MBD6: variants seen among roughly 807,000 people sequenced by gnomAD.
The protein encoded by MBD6 is methyl-CpG binding domain protein 6, also known as methyl-CpG-binding domain protein 6.
Under a neutral mutation model 66.8 loss-of-function variants are expected in MBD6, and 22 were observed. The observed-to-expected ratio is 0.33, with a 90% CI of 0.24 to 0.47. The LOEUF is 0.47. Ranked by LOEUF, MBD6 falls within the 20% of genes least tolerant of loss-of-function variation. MBD6 has a pLI of 1.00. For missense variants in MBD6, 1,322 were observed against 1,286.9 expected (o/e 1.03, Z -0.42); for synonymous variants, 540 against 534.6 (o/e 1.01, Z -0.14).
chr12:57,530,536 G>A (rs1879569701), downstream of MBD6: 3 of 628,244 alleles, frequency 4.8e-6, no homozygotes, highest in South Asian at 6.6e-5. Flanking sequence ...CATCAGGGGA[G>A]GGGTATAAAC....
intron 11 of MBD6, 90 bp from the exon 12 acceptor site, chr12:57,528,856 T>C: frequency 1.2e-6 from 2 of 1,605,666 alleles, no homozygotes; most frequent in Non-Finnish European, 1.7e-6. Flanking sequence ...ATGCCTTTAC[T>C]ATCCAAATGT....
chr12:57,526,411 T>C, intron 6 of MBD6, 23 bp downstream of exon 6: 3 of 1,543,090 alleles, frequency 1.9e-6, no homozygotes, highest in Non-Finnish European at 2.6e-6. Context: ...TGTGGAGCCC[T>C]TCCTCATCCT....
chr12:57,526,467 C>G (rs1878963494), intron 6 of MBD6, 79 bp downstream of exon 6: 3 of 1,519,096 alleles, frequency 2.0e-6, no homozygotes, highest in East Asian at 2.3e-5. Context: ...GTTCAGAGAG[C>G]TCTTTGAGGG....
Position 57,526,735 on chromosome 12 carries a change from T to G in MBD6, c.1590T>G (p.Ser530Arg), listed in dbSNP as rs1422998378. ...GCCCTGAGCAGGGCCTGGCACTGAG[T>G]GGAGCTGGCTTCCCTGGGATGCTTG... ...FPSPEQGLALSGAGFPGMLGA... is the reference protein window; with the variant it reads ...FPSPEQGLALRGAGFPGMLGA... The change falls in exon 7 of 13, where the codon AGT (serine) becomes AGG (arginine). Residue 530 changes from serine to arginine, a missense_variant. Physicochemically the swap from Ser to Arg is moderately radical, Grantham distance 110. Coordinates refer to ENST00000355673, the MANE Select transcript of MBD6 (RefSeq NM_052897.4). 6.4e-7 allele frequency: 1 copy of G among 1,571,868 alleles called. No individual in the cohort carries two copies. Among genetic ancestry groups the G allele is most frequent in the African/African-American group, 1.4e-5 (1 of 73,854 alleles).
At chr12:57,523,783 G>T (rs1291191271) in intron 1 of MBD6, among the ~76,000 whole-genome samples, 1 of 152,196 alleles carries the variant, frequency 6.6e-6, no homozygotes, top group Admixed American at 6.5e-5. Context: ...GGGAGGCCTT[G>T]CCCTTCATAT....
In MBD6 at chr12:57,525,219, G is replaced by A; in HGVS notation, c.379+104G>A. On this transcript the variant is annotated intron_variant, in intron 5 of 12. Transcript: ENST00000355673. ...GAGGGAGCAAAGAGAAAGGGGAGTG[G>A]GTGGGGAGCTGCATGTTGAAAGGAG... is the stretch of plus-strand genomic sequence containing the variant. 2.7e-6 allele frequency: 4 copies of A among 1,500,506 alleles called. 1 individual carries two copies. In the South Asian group the frequency reaches 3.8e-5, roughly 14 times the overall value. 92.9% of individuals were successfully genotyped at this position (1,500,506 alleles called of 1,614,324 possible).
chr12:57,530,513 A>G (rs1879566912), downstream of MBD6: 5 of 530,392 alleles, frequency 9.4e-6, no homozygotes, highest in East Asian at 1.5e-4. Context: ...ACCCCTAGCT[A>G]CCACTCTGTA....
rs756671952 is a variant in MBD6 at position 57,529,200 on chromosome 12, C to T, written c.2978C>T (p.Pro993Leu). 10 of 1,614,144 alleles carry T rather than the reference C, an allele frequency of 6.2e-6. No homozygotes were observed. In the South Asian group the frequency reaches 1.1e-4, roughly 18 times the overall value. ...PLPPRARPGR[P>L]AKNKRRKLAP ...CCTCCCCGGGCCCGCCCTGGCCGTC[C>T]TGCCAAAAACAAGAGGAGGAAACTG... Residue 993 changes from proline (P) to leucine (L), a missense_variant, in exon 13 of 13, where the codon CCT becomes CTT. Pro to Leu is a moderately conservative substitution (Grantham distance 98, BLOSUM62 -3). Coordinates refer to ENST00000355673, the MANE Select transcript of MBD6 (RefSeq NM_052897.4).
At position 57,529,445 on chromosome 12, in the gene MBD6, C is replaced by G. The variant is rs1594871989; in HGVS notation, c.*211C>G. The G allele has an allele frequency of 7.1e-6, 4 of 566,168 alleles. No homozygotes were observed. Among genetic ancestry groups the G allele is most frequent in the South Asian group, 4.3e-5 (2 of 46,458 alleles). The allele number at this position is 566,168 out of a possible 1,614,324, so 35.1% of individuals were successfully genotyped here. On this transcript the variant is annotated 3_prime_UTR_variant, in exon 13 of 13. Coordinates refer to ENST00000355673, the MANE Select transcript of MBD6 (RefSeq NM_052897.4). ...CCCCCCCCACCACCCCCCCGCCCCC[C>G]CGAAGCCATGTCACTGAAAAGGCCT...
chr12:57,528,989 G>C lies in MBD6; in HGVS notation c.2917G>C (p.Glu973Gln), dbSNP rs1437150590. The C allele has an allele frequency of 1.2e-6, 2 of 1,614,114 alleles. No homozygotes were observed. Among genetic ancestry groups the C allele is most frequent in the South Asian group, 2.2e-5 (2 of 91,068 alleles). The change falls in exon 12 of 13, where the codon GAA (glutamate) becomes CAA (glutamine). Residue 973 changes from glutamate to glutamine, a missense_variant. Transcript: ENST00000355673. ...TAGCTCCCGCCAGGACATTACCTTG[G>C]AACCCAGCCCTACAGCCCGAGTAAG... is the stretch of plus-strand genomic sequence containing the variant. ...SNSSRQDITL[E>Q]PSPTARAAVP...
chr12:57,522,697 G>C (rs1397154391), upstream of MBD6: 6 of 149,316 alleles, frequency 4.0e-5, no homozygotes, highest in Non-Finnish European at 6.0e-5. Flanking sequence ...GCCCGGCCCC[G>C]CCCCTCTCCC....
At position 57,528,532 on chromosome 12, in the gene MBD6, C is replaced by G. The variant is rs757098218; in HGVS notation, c.2792C>G (p.Pro931Arg). 7 of 1,611,830 alleles carry G rather than the reference C, an allele frequency of 4.3e-6. No homozygotes were observed. Among genetic ancestry groups the G allele is most frequent in the East Asian group, 2.2e-5 (1 of 44,854 alleles). Residue 931 changes from proline (P) to arginine (R), a missense_variant, in exon 10 of 13, where the codon CCT becomes CGT. By Grantham distance (103) the Pro-to-Arg change is moderately radical. Coordinates refer to ENST00000355673, the MANE Select transcript of MBD6 (RefSeq NM_052897.4). ...EGGAEPKDPP[P>R]PGPHSEDLKV... ...GGTGCTGAGCCCAAGGATCCACCCC[C>G]TCCCGGGCCCCATTCTGAGGACCTT... is the stretch of plus-strand genomic sequence containing the variant.
intron 7 of MBD6, 74 bp from the exon 8 acceptor site, chr12:57,527,433 A>G: frequency 6.5e-7 from 1 of 1,532,548 alleles, no homozygotes. Flanking sequence ...TCAGTCAGAT[A>G]GTGGATGTGA....
Position 57,530,053 on chromosome 12 carries a change from G to A in MBD6, c.*819G>A, listed in dbSNP as rs1879489461. ...TTTTGTAAAGACAAGACCCTTGGGAGTTTTAATTCTGTTTTGTACTTGCCC... is the reference window on the plus strand; with the variant it reads ...TTTTGTAAAGACAAGACCCTTGGGAATTTTAATTCTGTTTTGTACTTGCCC... On this transcript the variant is annotated 3_prime_UTR_variant, in exon 13 of 13. Transcript: ENST00000355673. 6.6e-6 allele frequency: 1 copy of A among 152,618 alleles called. No individual in the cohort carries two copies. The highest frequency in any genetic ancestry group is 1.5e-5 in the Non-Finnish European group (1 of 68,060). The allele number at this position is 152,618 out of a possible 1,614,324, so 9.5% of individuals were successfully genotyped here.
intron 9 of MBD6, 63 bp downstream of exon 9, chr12:57,528,080 T>C: frequency 6.5e-7 from 1 of 1,532,334 alleles, no homozygotes; most frequent in South Asian, 1.3e-5. Flanking sequence ...AATTTAGGGC[T>C]TTCTGAGTTA....
At chr12:57,528,763 T>C (rs766129686) in intron 11 of MBD6, 45 bp downstream of exon 11, 1 of 1,613,028 alleles carries the variant, frequency 6.2e-7, no homozygotes, top group Non-Finnish European at 8.5e-7. Flanking sequence ...CCTACTTCTT[T>C]TTGGTTTGGA....
chr12:57,528,279 G>C lies in MBD6; in HGVS notation c.2539G>C (p.Glu847Gln), dbSNP rs1879202466. 5 of 1,605,416 alleles carry C rather than the reference G, an allele frequency of 3.1e-6. No homozygotes were observed. Among genetic ancestry groups the C allele is most frequent in the Non-Finnish European group, 3.4e-6 (4 of 1,175,730 alleles). The change falls in exon 10 of 13, where the codon GAG becomes CAG. Residue 847 changes from glutamate (E) to glutamine (Q), a missense_variant. Physicochemically the swap from Glu to Gln is conservative, Grantham distance 29 (BLOSUM62 2). Transcript: ENST00000355673. ...TGGTTCTCCCGACCCCCCAGTCCCTGAGCTGCTCACTGGGAGGGGGTCAGG... is the reference window on the plus strand; with the variant it reads ...TGGTTCTCCCGACCCCCCAGTCCCTCAGCTGCTCACTGGGAGGGGGTCAGG... Reference protein sequence around the residue: ...PHGSPDPPVPELLTGRGSGKR... With the variant: ...PHGSPDPPVPQLLTGRGSGKR...
At position 57,529,344 on chromosome 12, in the gene MBD6, C is replaced by T. The variant is rs1390108263; in HGVS notation, c.*110C>T. 1 of 1,044,192 alleles carries T rather than the reference C, an allele frequency of 9.6e-7. No homozygotes were observed. Among genetic ancestry groups the T allele is most frequent in the East Asian group, 2.5e-5 (1 of 40,364 alleles). The allele number at this position is 1,044,192 out of a possible 1,614,324, so 64.7% of individuals were successfully genotyped here. A position where few individuals can be genotyped will look rare whatever the true frequency, so the allele number is the denominator to read the frequency against. ...GTGGACAGTGGGTGGGGGCACTACT[C>T]CCCACTCAGAGCACAAATGCAACTC... On this transcript the variant is annotated 3_prime_UTR_variant, in exon 13 of 13. Coordinates refer to ENST00000355673, the MANE Select transcript of MBD6 (RefSeq NM_052897.4).
Position 57,525,341 on chromosome 12 carries a change from A to T in MBD6, c.380-7A>T, listed in dbSNP as rs368999340. On this transcript the variant is annotated splice_polypyrimidine_tract_variant and splice_region_variant and intron_variant, in intron 5 of 12. Transcript: ENST00000355673. ...CAGGCTGACCCTTCATTTTTCATTT[A>T]TTGCAGGAGAGGGAGCGAGCCCCCA... 302 of 1,561,644 alleles carry T rather than the reference A, an allele frequency of 1.9e-4. 3 individuals carry two copies. In the South Asian group the frequency reaches 3.5e-3, roughly 18 times the overall value.
Sources: gnomAD v4.1 joint callset for allele counts (sites outside exome capture counted in the v4.1 genomes callset) on GRCh38, gnomAD v4.1.1 for gene constraint, MANE v1.5 for transcripts, NCBI Gene and HGNC (gene_info 2026-07-23, HGNC 2026-07-21) for gene names.